The following FRYL variants were observed in gnomAD, a reference collection of about 807,000 sequenced individuals.
FRYL encodes FRY like transcription coactivator.
FRYL carries 150 observed loss-of-function variants against 351.2 expected under a neutral mutation model. The observed-to-expected ratio is 0.43, with a 90% CI of 0.37 to 0.49. The LOEUF (loss-of-function observed/expected upper bound fraction) is 0.49, where lower values mean the gene tolerates loss of function less well. Among genes scored for constraint, FRYL ranks in the 20% least tolerant of loss-of-function variants. The probability of loss-of-function intolerance (pLI) is 0.00; values close to 1 mark genes in which losing one functional copy is unlikely to be tolerated. For synonymous variants in FRYL, 1,153 were observed against 1,257.1 expected, an observed-to-expected ratio of 0.92 and a Z score of 1.75; for missense variants, 3,036 against 3,619.3, an observed-to-expected ratio of 0.84 and a Z score of 4.13.
chr4:48,538,865 C>G (rs1477094384), intron 47 of FRYL, among the ~76,000 whole-genome samples: 1 of 151,958 alleles, frequency 6.6e-6, no homozygotes, highest in Non-Finnish European at 1.5e-5. Context: ...TATTTTCAGT[C>G]TGAAAAGCCT....
chr4:48,530,324 C>T (rs1727262160), intron 50 of FRYL, among the ~76,000 whole-genome samples: 1 of 151,048 alleles, frequency 6.6e-6, no homozygotes, highest in Admixed American at 6.6e-5. Flanking sequence ...TTTTGTAAAC[C>T]ATCTCTCTTC....
Position 48,549,457 on chromosome 4 carries a change from T to A in FRYL, c.4784+16A>T, listed in dbSNP as rs186566886. 6.3e-7 allele frequency: 1 copy of A among 1,593,140 alleles called. No homozygotes were observed. The highest frequency in any genetic ancestry group is 8.6e-7 in the Non-Finnish European group (1 of 1,166,900). The stretch of plus-strand genomic sequence containing the variant: ...CAACTTGGTGCATATGTAAAAGGAA[T>A]GACGCTGTAGTCCACCTGTGAAGAG... On this transcript the variant is annotated intron_variant, in intron 39 of 63. Transcript: ENST00000358350. This position sits in a 1 kb window ranked among gnomAD's most constrained non-coding sequence, Gnocchi z 4.2.
At chr4:48,688,061 A>G (rs756993632) in intron 2 of FRYL, among the ~76,000 whole-genome samples, 5 of 152,168 alleles carry the variant, frequency 3.3e-5, no homozygotes, top group Non-Finnish European at 2.9e-5. Context: ...TCAAAACTCT[A>G]AATCTAACTT....
chr4:48,579,651 A>G (rs1441764856), intron 22 of FRYL, among the ~76,000 whole-genome samples: 1 of 152,214 alleles, frequency 6.6e-6, no homozygotes, highest in Non-Finnish European at 1.5e-5. Context: ...CTCCAGAGGT[A>G]TATATTCTTA....
intron 59 of FRYL, chr4:48,506,576 A>G (rs1460804633): frequency 7.6e-6 from 1 of 130,726 alleles, no homozygotes; most frequent in East Asian, 2.2e-4. Context: ...TTGACTTCTA[A>G]GTTCTTTTTT....
chr4:48,722,492 G>C (rs1261653635), intron 1 of FRYL, among the ~76,000 whole-genome samples: 1 of 152,076 alleles, frequency 6.6e-6, no homozygotes, highest in Non-Finnish European at 1.5e-5. Context: ...TCTACAATTA[G>C]AGAAATCTGA....
At chr4:48,636,281 A>C (rs1754224744) in intron 3 of FRYL, among the ~76,000 whole-genome samples, 1 of 152,104 alleles carries the variant, frequency 6.6e-6, no homozygotes, top group African/African-American at 2.4e-5. Flanking sequence ...ATTTTTAAAA[A>C]ATTATTTTGG....
chr4:48,547,137 A>C (rs1019548347), intron 41 of FRYL, among the ~76,000 whole-genome samples: 1 of 152,218 alleles, frequency 6.6e-6, no homozygotes, highest in Non-Finnish European at 1.5e-5. Context: ...ACAGTGAAAT[A>C]AACCATATTA....
chr4:48,702,697 C>T (rs1766886714), intron 2 of FRYL, among the ~76,000 whole-genome samples: 1 of 140,854 alleles, frequency 7.1e-6, no homozygotes, highest in Admixed American at 7.5e-5. Context: ...GGAGGCGGAG[C>T]TTACAGTGAG....
At chr4:48,610,475 C>T (rs1475968515) in intron 7 of FRYL, among the ~76,000 whole-genome samples, 1 of 151,566 alleles carries the variant, frequency 6.6e-6, no homozygotes, top group African/African-American at 2.4e-5. Context: ...GCGTGCATTC[C>T]TTAGTTTTAC....
chr4:48,574,483 C>A (rs1386161260), intron 25 of FRYL: 1 of 152,010 alleles, frequency 6.6e-6, no homozygotes, highest in Non-Finnish European at 1.5e-5. Flanking sequence ...AAATCTTTAG[C>A]AAAAGGCAAA....
intron 3 of FRYL, among the ~76,000 whole-genome samples, chr4:48,679,084 C>T (rs1764230406): frequency 6.6e-6 from 1 of 152,088 alleles, no homozygotes; most frequent in Non-Finnish European, 1.5e-5. Flanking sequence ...AGTAACTGCA[C>T]ATATTAATAT....
intron 1 of FRYL, among the ~76,000 whole-genome samples, chr4:48,760,879 T>C (rs969866005): frequency 1.1e-4 from 16 of 152,234 alleles, no homozygotes; most frequent in Admixed American, 9.2e-4. Flanking sequence ...GGTTTCGCCA[T>C]GTTGACCAGG....
In FRYL at chr4:48,739,462, G is replaced by A. The variant is rs1771810069; in HGVS notation, c.-383-28764C>T. Among the ~76,000 whole-genome samples, 3 of 147,666 alleles carry A rather than the reference G, an allele frequency of 2.0e-5. No individual in the cohort carries two copies. In the South Asian group the frequency reaches 6.4e-4, roughly 32 times the overall value. On this transcript the variant is annotated intron_variant, in intron 1 of 63. Transcript: ENST00000358350. Reference sequence around the variant, plus strand: ...AATGGAGCAAAGGCAATACAAGGGAGAAAAGATAGCCTTTTGAACAAATTG... The same window carrying A: ...AATGGAGCAAAGGCAATACAAGGGAAAAAAGATAGCCTTTTGAACAAATTG...
chr4:48,561,445 A>T, intron 33 of FRYL, 23 bp downstream of exon 33: 1 of 1,480,888 alleles, frequency 6.8e-7, no homozygotes, highest in South Asian at 1.5e-5. Flanking sequence ...AATAGAAACT[A>T]CTAACCAGTT....
chr4:48,654,130 G>A (rs1758294012), intron 3 of FRYL, among the ~76,000 whole-genome samples: 2 of 152,066 alleles, frequency 1.3e-5, no homozygotes, highest in Non-Finnish European at 2.9e-5. Context: ...CAGTTTTGAG[G>A]AGCAGTGTCT....
chr4:48,643,074 G>T (rs1278221497), intron 3 of FRYL, among the ~76,000 whole-genome samples: 1 of 152,138 alleles, frequency 6.6e-6, no homozygotes, highest in East Asian at 1.9e-4. Context: ...AAGCTATTGT[G>T]GCTGACTTTT....
chr4:48,557,557 G>C lies in FRYL; in HGVS notation c.4021C>G (p.Arg1341Gly), dbSNP rs776010275. 4 of 1,614,052 alleles carry C rather than the reference G, an allele frequency of 2.5e-6. No individual in the cohort carries two copies. Among genetic ancestry groups the C allele is most frequent in the African/African-American group, 2.7e-5 (2 of 75,008 alleles). Residue 1341 changes from arginine to glycine, a missense_variant, in exon 34 of 64, where the codon CGA becomes GGA. Arg to Gly is a moderately radical substitution (Grantham distance 125). Transcript: ENST00000358350. ...DEDEDDSLKD[R>G]ELMVTSRRWL... Reference sequence around the variant, plus strand: ...CGCCTACTAGTCACCATAAGTTCTCGGTCTTTTAAGGAATCATCTTCATCT... The same window carrying C: ...CGCCTACTAGTCACCATAAGTTCTCCGTCTTTTAAGGAATCATCTTCATCT...
At chr4:48,519,522 G>A (rs1337381090) in intron 55 of FRYL, among the ~76,000 whole-genome samples, 3 of 128,680 alleles carry the variant, frequency 2.3e-5, no homozygotes, top group Non-Finnish European at 5.0e-5. Flanking sequence ...TTTTATTTTT[G>A]AGATGGAGTC....
Sources: gnomAD v4.1 joint callset for allele counts (sites outside exome capture counted in the v4.1 genomes callset) on GRCh38, gnomAD v4.1.1 for gene constraint, Gnocchi (gnomAD v3.1) non-coding constraint, MANE v1.5 for transcripts, NCBI Gene and HGNC (gene_info 2026-07-23, HGNC 2026-07-21) for gene names.